The following FHIT variants were observed in gnomAD, a reference collection of about 807,000 sequenced individuals.
FHIT encodes fragile histidine triad diadenosine triphosphatase, also known as bis(5'-adenosyl)-triphosphatase.
FHIT carries 19 observed loss-of-function variants against 17.9 expected under a neutral mutation model. The observed-to-expected ratio is 1.06, with a 90% CI of 0.74 to 1.56. The LOEUF (loss-of-function observed/expected upper bound fraction) is 1.56. FHIT is among the 40% of genes most tolerant of loss of function. The probability of loss-of-function intolerance (pLI) is 0.00; values close to 1 mark genes in which losing one functional copy is unlikely to be tolerated. For synonymous variants in FHIT, 81 were observed against 69.7 expected (o/e 1.16, Z -0.81); for missense variants, 248 against 189.2 (o/e 1.31, Z -1.82).
rs541016992 is a variant in FHIT at position 59,773,971 on chromosome 3, AAAT to A, written c.349-21653_349-21651del. Among the ~76,000 whole-genome samples, 213 of 152,346 alleles carry A rather than the reference AAAT, an allele frequency of 1.4e-3. 1 individual carries two copies. Among genetic ancestry groups the A allele is most frequent in the Non-Finnish European group, 2.7e-3 (182 of 68,036 alleles). ...ATTATTTCATGTTAATTACCTACTG[AAAT>A]AATATTTATGATATTTTGGATTAAA... On this transcript the variant is annotated intron_variant, in intron 8 of 9. Transcript: ENST00000492590.
Position 61,043,883 on chromosome 3 carries a change from C to A in FHIT, c.-163-1784G>T, listed in dbSNP as rs189224369. 7.1e-3 allele frequency among the ~76,000 whole-genome samples: 1,077 copies of A among 152,276 alleles called. 13 individuals are homozygous for A. The highest frequency in any genetic ancestry group is 0.025 in the African/African-American group (1,028 of 41,540). On this transcript the variant is annotated intron_variant, in intron 2 of 9. Coordinates refer to ENST00000492590, the MANE Select transcript of FHIT (RefSeq NM_002012.4). Reference sequence around the variant, plus strand: ...GGCAAACAGGGTCTGGAGTGGACCTCCAGCAAACTCCAAAAGACCTGCAGC... The same window carrying A: ...GGCAAACAGGGTCTGGAGTGGACCTACAGCAAACTCCAAAAGACCTGCAGC...
At chr3:59,946,865 C>A (rs1017482464) in intron 7 of FHIT, among the ~76,000 whole-genome samples, 1 of 152,176 alleles carries the variant, frequency 6.6e-6, no homozygotes, top group African/African-American at 2.4e-5. Flanking sequence ...ATAAAGCCTA[C>A]TTGATCATAG....
At chr3:60,085,043 AG>A (rs1294330418) in intron 5 of FHIT, among the ~76,000 whole-genome samples, 2 of 152,168 alleles carry the variant, frequency 1.3e-5, no homozygotes, top group Non-Finnish European at 2.9e-5. Flanking sequence ...TGCCACTTCT[AG>A]GGACTGGCTC....
intron 1 of FHIT, among the ~76,000 whole-genome samples, chr3:61,208,305 G>A (rs556860897): frequency 6.6e-6 from 1 of 151,938 alleles, no homozygotes; most frequent in African/African-American, 2.4e-5. Context: ...ATATGGGGTG[G>A]AGAGTTCTCT....
At chr3:60,493,871 G>T (rs1016123167) in intron 5 of FHIT, among the ~76,000 whole-genome samples, 1 of 152,058 alleles carries the variant, frequency 6.6e-6, no homozygotes, top group African/African-American at 2.4e-5. Flanking sequence ...TAAAATTCAG[G>T]TTCCTGTGAG....
intron 2 of FHIT, among the ~76,000 whole-genome samples, chr3:61,108,927 C>A (rs1334523132): frequency 6.6e-6 from 1 of 152,164 alleles, no homozygotes; most frequent in Non-Finnish European, 1.5e-5. Context: ...GTTCTCTGGG[C>A]AAGCAACTTT....
At chr3:60,593,131 C>A (rs959761476) in intron 4 of FHIT, among the ~76,000 whole-genome samples, 7 of 152,102 alleles carry the variant, frequency 4.6e-5, no homozygotes, top group Non-Finnish European at 1.0e-4. Context: ...CCCACACTTT[C>A]ATTTTGACTA....
intron 4 of FHIT, among the ~76,000 whole-genome samples, chr3:60,750,830 T>C (rs187034460): frequency 1.2e-3 from 183 of 152,150 alleles, no homozygotes; most frequent in Middle Eastern, 3.4e-3. Flanking sequence ...TATTCCGGAG[T>C]AGTGGATTTC....
At chr3:60,562,349 T>C (rs952542907) in intron 4 of FHIT, among the ~76,000 whole-genome samples, 5 of 152,128 alleles carry the variant, frequency 3.3e-5, no homozygotes, top group African/African-American at 7.2e-5. Context: ...TGGAAAAACA[T>C]ACATTGGGAT....
chr3:60,444,875 AG>A (rs2031209359), intron 5 of FHIT, among the ~76,000 whole-genome samples: 1 of 152,080 alleles, frequency 6.6e-6, no homozygotes, highest in Non-Finnish European at 1.5e-5. Flanking sequence ...AAGAAAGAAA[AG>A]AAAAACTCTG....
At chr3:60,925,128 A>G (rs1707515257) in intron 3 of FHIT, among the ~76,000 whole-genome samples, 1 of 152,230 alleles carries the variant, frequency 6.6e-6, no homozygotes, top group Admixed American at 6.5e-5. Context: ...AACTTGCAAA[A>G]CACTCTGCAA....
Position 60,928,002 on chromosome 3 carries a change from C to T in FHIT, c.-110-105991G>A, listed in dbSNP as rs1010045046. Among the ~76,000 whole-genome samples, 4 of 152,324 alleles carry T rather than the reference C, an allele frequency of 2.6e-5. No homozygotes were observed. The East Asian group carries it at 7.7e-4, about 29-fold the overall frequency. On this transcript the variant is annotated intron_variant, in intron 3 of 9. Transcript: ENST00000492590. ...GCCTTGGGATGCTGTTAATCTATAA[C>T]ATTACTCCCAACCCAGTGCTCTCTG...
In FHIT at chr3:60,565,179, T is replaced by G. The variant is rs149950491; in HGVS notation, c.-17-28200A>C. 1.3e-3 allele frequency among the ~76,000 whole-genome samples: 192 copies of G among 152,320 alleles called. 1 individual carries two copies. Among genetic ancestry groups the G allele is most frequent in the Non-Finnish European group, 2.3e-3 (158 of 68,030 alleles). On this transcript the variant is annotated intron_variant, in intron 4 of 9. Transcript: ENST00000492590. ...TAATGATATTGCATACTTAATAGACTACAGCTAAGTGTAAATATAGCTTGT... is the reference window on the plus strand; with the variant it reads ...TAATGATATTGCATACTTAATAGACGACAGCTAAGTGTAAATATAGCTTGT...
chr3:60,979,285 G>C (rs960062993), intron 3 of FHIT, among the ~76,000 whole-genome samples: 1 of 152,110 alleles, frequency 6.6e-6, no homozygotes, highest in Non-Finnish European at 1.5e-5. Context: ...ATGTGATCCA[G>C]CTGGGGAATC....
At chr3:61,062,737 C>A (rs567227920) in intron 2 of FHIT, among the ~76,000 whole-genome samples, 1 of 152,224 alleles carries the variant, frequency 6.6e-6, no homozygotes, top group Non-Finnish European at 1.5e-5. Flanking sequence ...GTATTGGTTA[C>A]CTGGAGCCAT....
At chr3:60,767,588 A>G in intron 4 of FHIT, among the ~76,000 whole-genome samples, 1 of 152,210 alleles carries the variant, frequency 6.6e-6, no homozygotes, top group Non-Finnish European at 1.5e-5. Context: ...TCTACTGTTA[A>G]CTGATTTAAA....
intron 5 of FHIT, among the ~76,000 whole-genome samples, chr3:60,508,198 A>G (rs920960574): frequency 2.0e-4 from 30 of 152,292 alleles, no homozygotes; most frequent in African/African-American, 6.7e-4. Context: ...AGAAATAGAT[A>G]GATTTGTGAA....
intron 5 of FHIT, among the ~76,000 whole-genome samples, chr3:60,474,093 C>T (rs1293072405): frequency 5.9e-5 from 9 of 152,118 alleles, no homozygotes. Context: ...CCAGCAGTGA[C>T]ACAATCAGGA....
intron 3 of FHIT, among the ~76,000 whole-genome samples, chr3:61,005,338 T>G (rs1302938576): frequency 6.6e-6 from 1 of 152,054 alleles, no homozygotes; most frequent in Non-Finnish European, 1.5e-5. Flanking sequence ...GCATCTAACT[T>G]AGGGCTTGCC....
Sources: allele counts gnomAD v4.1 joint callset (sites outside exome capture counted in the v4.1 genomes callset), GRCh38; gene constraint gnomAD v4.1.1; transcripts MANE v1.5; gene names NCBI Gene and HGNC (gene_info 2026-07-23, HGNC 2026-07-21).